Variants in IMPG1 observed in about 807,000 individuals in gnomAD.
IMPG1 encodes interphotoreceptor matrix proteoglycan 1, also known as interphotoreceptor matrix proteoglycan of 150 kDa.
Under a neutral mutation model 92.0 loss-of-function variants are expected in IMPG1, and 85 were observed. The ratio of observed to expected loss-of-function variants is 0.92; its 90% CI spans 0.78 to 1.11. IMPG1 has a LOEUF of 1.11. IMPG1 is among the 50% of genes least tolerant of loss of function. The pLI is 0.00. For synonymous variants in IMPG1, 367 were observed against 334.1 expected (o/e 1.10, Z -1.08); for missense variants, 1,022 against 956.0 (o/e 1.07, Z -0.91).
rs1434889633 is a variant in IMPG1, at chr6:76,034,710, C to A, written c.379G>T (p.Val127Phe). Residue 127 changes from valine (V) to phenylalanine (F), a missense_variant, in exon 3 of 17, where the codon GTC (valine) becomes TTC (phenylalanine). Physicochemically the swap from Val to Phe is conservative, Grantham distance 50. Coordinates refer to ENST00000369950, the MANE Select transcript of IMPG1 (RefSeq NM_001563.4). ...AAGGTCTCCTGCTGGCAGATGCTGA[C>A]CCAGTCCTGATATTCCCCTGTGTCA... Reference protein sequence around the residue: ...IPDTGEYQDWVSICQQETFCL... With the variant: ...IPDTGEYQDWFSICQQETFCL... 1 of 1,614,004 alleles carries A rather than the reference C, an allele frequency of 6.2e-7. No homozygotes were observed. The highest frequency in any genetic ancestry group is 2.2e-5 in the East Asian group (1 of 44,884).
chr6:76,002,144 G>A (rs927792037), intron 12 of IMPG1, among the ~76,000 whole-genome samples: 3 of 152,036 alleles, frequency 2.0e-5, no homozygotes, highest in Non-Finnish European at 4.4e-5. Flanking sequence ...AGTATCCTGG[G>A]GCTTGTGTTT....
At chr6:75,930,878 T>C (rs1781654536) in intron 15 of IMPG1, 75 bp downstream of exon 15, 1 of 1,310,956 alleles carries the variant, frequency 7.6e-7, no homozygotes, top group Non-Finnish European at 1.1e-6. Flanking sequence ...CCATATGAAT[T>C]TACTCTAATG....
At chr6:75,983,276 TTTAA>T (rs1782659301) in intron 12 of IMPG1, among the ~76,000 whole-genome samples, 1 of 152,076 alleles carries the variant, frequency 6.6e-6, no homozygotes, top group African/African-American at 2.4e-5. Flanking sequence ...AGCCTTCTCT[TTTAA>T]TTAAGTGCAG....
chr6:76,047,833 T>C (rs935631637), intron 1 of IMPG1, among the ~76,000 whole-genome samples: 1 of 152,200 alleles, frequency 6.6e-6, no homozygotes, highest in Non-Finnish European at 1.5e-5. Flanking sequence ...GAAATTTCTG[T>C]CCTCTTTTTA....
chr6:76,021,251 C>T (rs538478018), intron 6 of IMPG1, among the ~76,000 whole-genome samples: 2 of 152,228 alleles, frequency 1.3e-5, no homozygotes, highest in African/African-American at 4.8e-5. Context: ...AGCCTGGAAG[C>T]CCTCCCCACT....
In IMPG1 at chr6:76,038,964, T is replaced by G. The variant is rs1165006563; in HGVS notation, c.301+2929A>C. On this transcript the variant is annotated intron_variant, in intron 2 of 16. Coordinates refer to ENST00000369950, the MANE Select transcript of IMPG1 (RefSeq NM_001563.4). ...TGTGAAAATGCACAGTACAGGGTTG[T>G]GCACACATTAGAGGGTGAAATAACA... Among the ~76,000 whole-genome samples, 4 of 152,352 alleles carry G rather than the reference T, an allele frequency of 2.6e-5. No individual in the cohort carries two copies. The East Asian group carries it at 7.7e-4, about 29-fold the overall frequency.
intron 1 of IMPG1, among the ~76,000 whole-genome samples, chr6:76,046,940 G>A (rs147513308): frequency 2.2e-4 from 34 of 152,096 alleles, no homozygotes; most frequent in Non-Finnish European, 3.8e-4. Context: ...GTGAAAACCT[G>A]TACCTACAAA....
intron 1 of IMPG1, among the ~76,000 whole-genome samples, chr6:76,068,624 T>C (rs1784352015): frequency 6.6e-6 from 1 of 151,448 alleles, no homozygotes; most frequent in Admixed American, 6.6e-5. Context: ...TCAAGTGATT[T>C]TCCTGCCTCA....
chr6:75,968,317 C>A (rs77184868), intron 12 of IMPG1, among the ~76,000 whole-genome samples: 1 of 152,074 alleles, frequency 6.6e-6, no homozygotes, highest in East Asian at 1.9e-4. Flanking sequence ...ACAATAAATA[C>A]CTTATGATAT....
chr6:75,958,958 C>T (rs1353188676), intron 12 of IMPG1, among the ~76,000 whole-genome samples: 1 of 152,086 alleles, frequency 6.6e-6, no homozygotes, highest in Non-Finnish European at 1.5e-5. Context: ...AATAGGCATT[C>T]TGATTTTTGG....
chr6:76,050,230 G>A (rs997260014), intron 1 of IMPG1, among the ~76,000 whole-genome samples: 15 of 151,922 alleles, frequency 9.9e-5, no homozygotes, highest in East Asian at 7.7e-4. Context: ...ACTTAAGGCC[G>A]GGAGTTCGAG....
At chr6:76,007,568 T>G in intron 8 of IMPG1, 68 bp from the exon 9 acceptor site, 3 of 1,048,362 alleles carry the variant, frequency 2.9e-6, no homozygotes, top group Non-Finnish European at 4.2e-6. Context: ...TATTGAGACA[T>G]TCAATGAATT....
intron 12 of IMPG1, among the ~76,000 whole-genome samples, chr6:75,965,433 G>C (rs138753627): frequency 4.8e-4 from 72 of 150,850 alleles, no homozygotes; most frequent in African/African-American, 1.7e-3. Flanking sequence ...TTTTAATTTG[G>C]ACTTCCCTAA....
At chr6:75,977,922 A>G (rs531097246) in intron 12 of IMPG1, among the ~76,000 whole-genome samples, 14 of 152,076 alleles carry the variant, frequency 9.2e-5, no homozygotes, top group African/African-American at 2.9e-4. Context: ...TATTTTATCC[A>G]TTATTATTAT....
At chr6:76,069,187 T>C (rs1211929081) in intron 1 of IMPG1, among the ~76,000 whole-genome samples, 1 of 152,126 alleles carries the variant, frequency 6.6e-6, no homozygotes, top group Non-Finnish European at 1.5e-5. Context: ...AGAATTAAAC[T>C]GGACCAATAT....
chr6:75,966,706 T>C (rs1156407281), intron 12 of IMPG1, among the ~76,000 whole-genome samples: 1 of 152,054 alleles, frequency 6.6e-6, no homozygotes, highest in Non-Finnish European at 1.5e-5. Flanking sequence ...TCATTAAAAA[T>C]GATATGAAAA....
At chr6:75,948,499 C>T (rs1313513103) in intron 13 of IMPG1, among the ~76,000 whole-genome samples, 1 of 152,160 alleles carries the variant, frequency 6.6e-6, no homozygotes, top group African/African-American at 2.4e-5. Context: ...GACTCTGACC[C>T]AGTCCCACAT....
chr6:75,924,728 T>TATATATTATATAATTATATATA (rs1781518749), intron 15 of IMPG1, among the ~76,000 whole-genome samples: 1 of 34,046 alleles, frequency 2.9e-5, no homozygotes, highest in Non-Finnish European at 5.4e-5. Flanking sequence ...ATAATATAAT[T>TATATATTATATAATTATATATA]ATATATAATA....
chr6:76,072,545 AT>A lies in IMPG1; in HGVS notation c.-58del. ...CAATCACAGAACAACCTCAAATCTC[AT>A]TAAAAAGTAACAGAAATGTGAAAAA... On this transcript the variant is annotated 5_prime_UTR_variant, in exon 1 of 17. In the 5' UTR this introduces an upstream ATG that the reference lacks. Coordinates refer to ENST00000369950, the MANE Select transcript of IMPG1 (RefSeq NM_001563.4). 1 of 965,124 alleles carries A rather than the reference AT, an allele frequency of 1.0e-6. No homozygotes were observed. The highest frequency in any genetic ancestry group is 1.6e-6 in the Non-Finnish European group (1 of 624,352). The allele number at this position is 965,124 out of a possible 1,614,324, so 59.8% of individuals were successfully genotyped here.
Sources: allele counts gnomAD v4.1 joint callset (sites outside exome capture counted in the v4.1 genomes callset), GRCh38; gene constraint gnomAD v4.1.1; transcripts MANE v1.5; gene names NCBI Gene and HGNC (gene_info 2026-07-23, HGNC 2026-07-21).